Variants in ZNF521 observed in about 807,000 individuals in gnomAD.
ZNF521 encodes the protein zinc finger protein 521, also known as LYST-interacting protein 3.
In ZNF521, 14 loss-of-function variants were observed where a neutral mutation model predicts 105.5. The observed-to-expected ratio is 0.13, with a 90% CI of 0.09 to 0.21. The LOEUF is 0.21. Among genes scored for constraint, ZNF521 ranks in the 10% least tolerant of loss-of-function variants. The pLI, the probability that ZNF521 is intolerant of heterozygous loss-of-function variation, is 1.00. For missense variants in ZNF521, 1,233 were observed against 1,629.7 expected (o/e 0.76, Z 4.19); for synonymous variants, 635 against 606.0 (o/e 1.05, Z -0.70).
At chr18:25,198,236 C>A (rs1174371800) in intron 4 of ZNF521, among the ~76,000 whole-genome samples, 1 of 151,624 alleles carries the variant, frequency 6.6e-6, no homozygotes, top group East Asian at 1.9e-4. Context: ...AAGGATACAA[C>A]TTTTTCCTAG....
chr18:25,311,708 G>C (rs1912319510), intron 3 of ZNF521, among the ~76,000 whole-genome samples: 2 of 152,114 alleles, frequency 1.3e-5, no homozygotes, highest in South Asian at 4.1e-4. Flanking sequence ...AGAAATTCTT[G>C]AAGATATTCT....
At chr18:25,084,688 C>G (rs2033582296) in intron 7 of ZNF521, among the ~76,000 whole-genome samples, 1 of 152,106 alleles carries the variant, frequency 6.6e-6, no homozygotes, top group South Asian at 2.1e-4. Context: ...TTTCTTCTAC[C>G]CGTACTGCAG....
intron 3 of ZNF521, among the ~76,000 whole-genome samples, chr18:25,286,261 T>C (rs1910701782): frequency 6.6e-6 from 1 of 152,058 alleles, no homozygotes; most frequent in South Asian, 2.1e-4. Context: ...GGAAAAACAT[T>C]TTCAGCAGAA....
At chr18:25,100,092 CTTTT>C (rs1340389796) in intron 5 of ZNF521, among the ~76,000 whole-genome samples, 1 of 139,856 alleles carries the variant, frequency 7.2e-6, no homozygotes, top group African/African-American at 2.6e-5. Flanking sequence ...TTCTTTCTTT[CTTTT>C]TTTTTTTTTT....
chr18:25,238,094 C>G (rs1454768273), intron 3 of ZNF521, among the ~76,000 whole-genome samples: 4 of 152,052 alleles, frequency 2.6e-5, no homozygotes, highest in Non-Finnish European at 5.9e-5. Flanking sequence ...TCTCCAGTGC[C>G]GAGGCAAGCA....
chr18:25,238,681 A>G (rs757538533), intron 3 of ZNF521, among the ~76,000 whole-genome samples: 1 of 152,122 alleles, frequency 6.6e-6, no homozygotes, highest in Non-Finnish European at 1.5e-5. Context: ...CCCTTCTTCA[A>G]TTATCATTCC....
At chr18:25,176,317 G>A (rs1162015093) in intron 5 of ZNF521, among the ~76,000 whole-genome samples, 2 of 152,176 alleles carry the variant, frequency 1.3e-5, no homozygotes, top group Non-Finnish European at 2.9e-5. Context: ...TTGCAAGCCC[G>A]TCTGCTAAAG....
At chr18:25,315,746 T>C (rs1912570172) in intron 3 of ZNF521, 1 of 152,170 alleles carries the variant, frequency 6.6e-6, no homozygotes, top group African/African-American at 2.4e-5. Context: ...ACGGAGTGAA[T>C]AGGTTTTCAT....
intron 5 of ZNF521, among the ~76,000 whole-genome samples, chr18:25,167,360 A>G (rs2035361979): frequency 1.3e-5 from 2 of 152,230 alleles, no homozygotes; most frequent in Non-Finnish European, 2.9e-5. Context: ...GAATTTTTAA[A>G]GGCAGGTATC....
intron 3 of ZNF521, among the ~76,000 whole-genome samples, chr18:25,295,458 T>G (rs1314801810): frequency 6.6e-6 from 1 of 152,120 alleles, no homozygotes; most frequent in Non-Finnish European, 1.5e-5. Flanking sequence ...TAAAAATAAC[T>G]AAAAGGGTAT....
chr18:25,215,081 G>C (rs2036257666), intron 4 of ZNF521, among the ~76,000 whole-genome samples: 1 of 152,098 alleles, frequency 6.6e-6, no homozygotes. Context: ...TTAAGACTGG[G>C]AGTTAAACAG....
chr18:25,190,030 A>G (rs545882184), intron 5 of ZNF521, among the ~76,000 whole-genome samples: 3 of 152,296 alleles, frequency 2.0e-5, no homozygotes, highest in South Asian at 4.1e-4. Context: ...TGGCTATTAA[A>G]GAGAAAGTAT....
intron 3 of ZNF521, among the ~76,000 whole-genome samples, chr18:25,252,814 T>C (rs1908209323): frequency 6.6e-6 from 1 of 152,130 alleles, no homozygotes; most frequent in Non-Finnish European, 1.5e-5. Context: ...CTAGAAATGC[T>C]TTATATCTGA....
At chr18:25,233,600 G>T (rs1906678370) in intron 3 of ZNF521, among the ~76,000 whole-genome samples, 1 of 151,954 alleles carries the variant, frequency 6.6e-6, no homozygotes, top group African/African-American at 2.4e-5. Flanking sequence ...AGCGGGAGTT[G>T]GTGGTGCACA....
chr18:25,084,022 G>A (rs1289145422), intron 7 of ZNF521, among the ~76,000 whole-genome samples: 1 of 136,988 alleles, frequency 7.3e-6, no homozygotes, highest in Non-Finnish European at 1.5e-5. Context: ...GGGCTCAAGT[G>A]ATCCGCCTGC....
intron 3 of ZNF521, among the ~76,000 whole-genome samples, chr18:25,260,226 C>T (rs1229271147): frequency 6.6e-6 from 1 of 151,146 alleles, no homozygotes. Flanking sequence ...ATGTCTCATA[C>T]AAAAAAAAGA....
chr18:25,345,972 G>GA (rs1011904362), intron 2 of ZNF521, among the ~76,000 whole-genome samples: 5 of 151,440 alleles, frequency 3.3e-5, no homozygotes, highest in Admixed American at 2.6e-4. Context: ...GTACAATCAT[G>GA]AAAAAAAATC....
chr18:25,227,803 T>C lies in ZNF521; in HGVS notation c.221-106A>G, dbSNP rs934030406. On this transcript the variant is annotated intron_variant, in intron 3 of 7. Transcript: ENST00000361524. This position sits in a 1 kb window ranked among gnomAD's most constrained non-coding sequence, Gnocchi z 5.7. ...GCAGAGTTGGGCCCTCTTGAATCTT[T>C]CAAGAAAAAACAAAATGAAAAGAGA... The C allele has an allele frequency of 4.3e-6, 4 of 939,032 alleles. No homozygotes were observed. Among genetic ancestry groups the C allele is most frequent in the South Asian group, 3.6e-5 (2 of 55,754 alleles). 58.2% of individuals were successfully genotyped at this position (939,032 alleles called of 1,614,324 possible).
At chr18:25,250,096 T>G (rs1908009199) in intron 3 of ZNF521, among the ~76,000 whole-genome samples, 1 of 152,004 alleles carries the variant, frequency 6.6e-6, no homozygotes, top group Non-Finnish European at 1.5e-5. Context: ...CCGCCACCAC[T>G]CCCGGCTAAT....
Sources: gnomAD v4.1 joint callset for allele counts (sites outside exome capture counted in the v4.1 genomes callset) on GRCh38, gnomAD v4.1.1 for gene constraint, Gnocchi (gnomAD v3.1) non-coding constraint, MANE v1.5 for transcripts, NCBI Gene and HGNC (gene_info 2026-07-23, HGNC 2026-07-21) for gene names.